Variants in BACH2 observed in about 807,000 individuals in gnomAD.
BACH2 encodes BACH transcriptional regulator 2, also known as transcription regulator protein BACH2.
BACH2 carries 5 observed loss-of-function variants against 61.8 expected under a neutral mutation model. The ratio of observed to expected loss-of-function variants is 0.08; its 90% CI spans 0.04 to 0.17. The LOEUF is 0.17. BACH2 is among the 10% of genes least tolerant of loss of function. BACH2 has a pLI of 1.00. For missense variants in BACH2, 824 were observed against 1,091.1 expected, an observed-to-expected ratio of 0.76 and a Z score of 3.45; for synonymous variants, 446 against 440.1, an observed-to-expected ratio of 1.01 and a Z score of -0.17.
At chr6:90,258,747 T>C (rs972685957) in intron 2 of BACH2, among the ~76,000 whole-genome samples, 1 of 152,196 alleles carries the variant, frequency 6.6e-6, no homozygotes, top group Non-Finnish European at 1.5e-5. Context: ...ATTAATGTTT[T>C]ATAGTTTTCA....
rs149338187 is a variant in BACH2, at chr6:90,039,242, A to G, written c.-12-30386T>C. On this transcript the variant is annotated intron_variant, in intron 5 of 8. Transcript: ENST00000257749. ...TATTATAAACAAGGTTGTAACGTGTAATCTTGTAATTTTGTACACATATCC... is the reference window on the plus strand; with the variant it reads ...TATTATAAACAAGGTTGTAACGTGTGATCTTGTAATTTTGTACACATATCC... 9.6e-3 allele frequency among the ~76,000 whole-genome samples: 1,461 copies of G among 152,308 alleles called. 28 individuals are homozygous for G. Among genetic ancestry groups the G allele is most frequent in the African/African-American group, 0.032 (1,342 of 41,560 alleles).
At chr6:90,149,504 T>C (rs560730127) in intron 4 of BACH2, among the ~76,000 whole-genome samples, 67 of 152,222 alleles carry the variant, frequency 4.4e-4, no homozygotes, top group Non-Finnish European at 8.8e-4. Context: ...AGGTTACTTA[T>C]CAGCTGAGGC....
intron 5 of BACH2, among the ~76,000 whole-genome samples, chr6:90,026,021 C>T (rs747504388): frequency 8.5e-5 from 13 of 152,260 alleles, no homozygotes; most frequent in African/African-American, 1.7e-4. Context: ...ACTTCTTCAT[C>T]GGGTGGGAGG....
chr6:90,229,736 TAC>T (rs1472450817), intron 3 of BACH2, among the ~76,000 whole-genome samples: 6 of 152,244 alleles, frequency 3.9e-5, no homozygotes, highest in Non-Finnish European at 7.3e-5. Context: ...TGGTGTAGCA[TAC>T]AGTCTTTAAA....
chr6:90,262,774 G>A (rs1771203489), intron 2 of BACH2, among the ~76,000 whole-genome samples: 1 of 152,194 alleles, frequency 6.6e-6, no homozygotes, highest in African/African-American at 2.4e-5. Context: ...ACGTAAGACA[G>A]CCACAAAGAT....
rs751298477 is a variant in BACH2 at position 89,931,196 on chromosome 6, G to A, written c.*1212C>T. 21 of 152,300 alleles carry A rather than the reference G, an allele frequency of 1.4e-4. No homozygotes were observed. The highest frequency in any genetic ancestry group is 2.2e-4 in the Non-Finnish European group (15 of 68,036). The allele number at this position is 152,300 out of a possible 1,614,324, so 9.4% of individuals were successfully genotyped here. On this transcript the variant is annotated 3_prime_UTR_variant, in exon 9 of 9. Coordinates refer to ENST00000257749, the MANE Select transcript of BACH2 (RefSeq NM_021813.4). ...CTGCTGAGTTCTGGTATAAAATCAC[G>A]GATTCCTGTTTTTCTGATGTACTTT...
At chr6:89,994,468 T>C (rs891462205) in intron 6 of BACH2, among the ~76,000 whole-genome samples, 3 of 152,220 alleles carry the variant, frequency 2.0e-5, no homozygotes, top group South Asian at 2.1e-4. Context: ...AGAAATCTAA[T>C]TGAGTTCCTT....
intron 4 of BACH2, among the ~76,000 whole-genome samples, chr6:90,158,769 G>GT (rs1220454573): frequency 1.3e-5 from 2 of 150,614 alleles, no homozygotes; most frequent in East Asian, 2.0e-4. Context: ...TTTTGGTGGG[G>GT]GGGGGGCACT....
At chr6:90,194,560 A>G (rs1270167675) in intron 4 of BACH2, among the ~76,000 whole-genome samples, 1 of 152,184 alleles carries the variant, frequency 6.6e-6, no homozygotes, top group East Asian at 1.9e-4. Context: ...CAAGACAGAG[A>G]TTGCAGACCA....
At chr6:90,082,755 C>T (rs1182744518) in intron 5 of BACH2, among the ~76,000 whole-genome samples, 1 of 152,074 alleles carries the variant, frequency 6.6e-6, no homozygotes, top group African/African-American at 2.4e-5. Context: ...TACTTCTGTT[C>T]AGATAAAAGG....
At chr6:90,170,849 T>C (rs1248239935) in intron 4 of BACH2, among the ~76,000 whole-genome samples, 1 of 152,100 alleles carries the variant, frequency 6.6e-6, no homozygotes, top group Non-Finnish European at 1.5e-5. Context: ...AGCAAGAAAG[T>C]AACAGCAATT....
chr6:90,177,468 G>A (rs1768018996), intron 4 of BACH2, among the ~76,000 whole-genome samples: 1 of 152,200 alleles, frequency 6.6e-6, no homozygotes, highest in Non-Finnish European at 1.5e-5. Context: ...TACAAACGAG[G>A]AAACTGAGAT....
chr6:89,964,054 T>G lies in BACH2; in HGVS notation c.244-12192A>C, dbSNP rs150019004. On this transcript the variant is annotated intron_variant, in intron 6 of 8. Transcript: ENST00000257749. ...GTGAATATCACACTCTGGGGACTGT[T>G]GTGGGGTGGGAGGAGTGGGGAGGGA... Among the ~76,000 whole-genome samples the G allele has an allele frequency of 1.4e-3, 213 of 151,932 alleles. 1 individual carries two copies. The East Asian group carries it at 0.019, about 13-fold the overall frequency.
chr6:90,084,932 G>A (rs1258019521), intron 5 of BACH2, among the ~76,000 whole-genome samples: 1 of 152,072 alleles, frequency 6.6e-6, no homozygotes, highest in African/African-American at 2.4e-5. Flanking sequence ...AGGGGTAGAG[G>A]GTAAAGGTAG....
intron 3 of BACH2, among the ~76,000 whole-genome samples, chr6:90,227,434 A>C (rs1769953019): frequency 6.6e-6 from 1 of 152,324 alleles, no homozygotes; most frequent in African/African-American, 2.4e-5. Context: ...AAATTAGGAA[A>C]TATCAGAGGA....
chr6:90,105,729 G>C (rs1038114728), intron 4 of BACH2, among the ~76,000 whole-genome samples: 19 of 152,040 alleles, frequency 1.2e-4, no homozygotes, highest in African/African-American at 4.3e-4. Flanking sequence ...TCTGTTTATG[G>C]GGGTGGCAAT....
intron 7 of BACH2, among the ~76,000 whole-genome samples, chr6:89,941,227 G>T (rs1773409969): frequency 6.6e-6 from 1 of 152,226 alleles, no homozygotes; most frequent in African/African-American, 2.4e-5. Flanking sequence ...CTGCCGGCAT[G>T]TGTGGCTAGT....
Position 89,930,349 on chromosome 6 carries a change from C to T in BACH2, c.*2059G>A, listed in dbSNP as rs1294326436. On this transcript the variant is annotated 3_prime_UTR_variant, in exon 9 of 9. Coordinates refer to ENST00000257749, the MANE Select transcript of BACH2 (RefSeq NM_021813.4). ...CAGAAAAAAGTTAATAATACTAAAA[C>T]ATATGTTACTATGATTTCACTTTTA... 7.2e-6 allele frequency: 1 copy of T among 138,000 alleles called. No homozygotes were observed. The highest frequency in any genetic ancestry group is 1.5e-5 in the Non-Finnish European group (1 of 65,572). 8.5% of individuals were successfully genotyped at this position (138,000 alleles called of 1,614,324 possible). A position where few individuals can be genotyped will look rare whatever the true frequency, so the allele number is the denominator to read the frequency against.
At chr6:90,286,682 C>T (rs1372701591) in intron 1 of BACH2, among the ~76,000 whole-genome samples, 1 of 152,148 alleles carries the variant, frequency 6.6e-6, no homozygotes, top group Non-Finnish European at 1.5e-5. Flanking sequence ...CAGACTTCAA[C>T]TTTAGGGTCA....
Sources: gnomAD v4.1 joint callset for allele counts (sites outside exome capture counted in the v4.1 genomes callset) on GRCh38, gnomAD v4.1.1 for gene constraint, MANE v1.5 for transcripts, NCBI Gene and HGNC (gene_info 2026-07-23, HGNC 2026-07-21) for gene names.